Variants in HHATL observed in about 807,000 individuals in gnomAD.
HHATL encodes hedgehog acyltransferase like, also known as protein-cysteine N-palmitoyltransferase HHAT-like protein.
In HHATL, 49 loss-of-function variants were observed where a neutral mutation model predicts 59.7. The ratio of observed to expected loss-of-function variants is 0.82; its 90% CI spans 0.65 to 1.04. The LOEUF (loss-of-function observed/expected upper bound fraction) is 1.04, where lower values mean the gene tolerates loss of function less well. Ranked by LOEUF, HHATL falls within the 50% of genes least tolerant of loss-of-function variation. The probability of loss-of-function intolerance (pLI) is 0.00; values close to 1 mark genes in which losing one functional copy is unlikely to be tolerated. For missense variants in HHATL, 605 were observed against 650.8 expected (o/e 0.93, Z 0.77); for synonymous variants, 238 against 257.3 (o/e 0.93, Z 0.72).
In HHATL at chr3:42,698,820, C is replaced by G; in HGVS notation, c.371G>C (p.Gly124Ala). Residue 124 changes from glycine (G) to alanine (A), a missense_variant, in exon 5 of 12, where the codon GGT becomes GCT. Coordinates refer to ENST00000441594, the MANE Select transcript of HHATL (RefSeq NM_020707.4). Reference sequence around the variant, plus strand: ...GGCCACATAGAGGCCCACACAGTGACCAAGCAGCAGCAGCAGGTACCAAGG... The same window carrying G: ...GGCCACATAGAGGCCCACACAGTGAGCAAGCAGCAGCAGCAGGTACCAAGG... ...MGPWYLLLLL[G>A]HCVGLYVASL... The G allele has an allele frequency of 6.2e-7, 1 of 1,613,958 alleles. No individual in the cohort carries two copies. The highest frequency in any genetic ancestry group is 8.5e-7 in the Non-Finnish European group (1 of 1,179,948).
chr3:42,700,554 G>A lies in HHATL; in HGVS notation c.106+167C>T, dbSNP rs146271762. Among the ~76,000 whole-genome samples the A allele has an allele frequency of 5.6e-3, 852 of 152,192 alleles. 4 individuals are homozygous for A. The highest frequency in any genetic ancestry group is 9.4e-3 in the Non-Finnish European group (642 of 68,008). On this transcript the variant is annotated intron_variant, in intron 2 of 11. Transcript: ENST00000441594. ...TGAACCTGGCTCCACCCAGCCTCCAGTGACTATCTGAGATGGGAACCCCGG... is the reference window on the plus strand; with the variant it reads ...TGAACCTGGCTCCACCCAGCCTCCAATGACTATCTGAGATGGGAACCCCGG...
chr3:42,699,709 G>A (rs746848856), intron 3 of HHATL, 49 bp downstream of exon 3: 1 of 1,461,434 alleles, frequency 6.8e-7, no homozygotes. Context: ...ACAGCAGAGA[G>A]CAGAGAAGGG....
intron 9 of HHATL, among the ~76,000 whole-genome samples, chr3:42,696,308 T>C (rs1443152517): frequency 6.6e-6 from 1 of 151,822 alleles, no homozygotes; most frequent in African/African-American, 2.4e-5. Context: ...CATCCCCGTC[T>C]CTCCTCTTCT....
rs1318084027 is a variant in HHATL, at chr3:42,693,636, C to T, written c.1229G>A (p.Gly410Glu). ...GCTCACCTCAATTCGTGCTAGGGGC[C>T]CCCACTCTGCCAGTTTTTGCATCCA... Reference protein sequence around the residue: ...ELWMQKLAEWGPLARIEASLS... With the variant: ...ELWMQKLAEWEPLARIEASLS... Residue 410 changes from glycine to glutamate, a missense_variant, in exon 10 of 12, where the codon GGG becomes GAG. Physicochemically the swap from Gly to Glu is moderately conservative, Grantham distance 98 (BLOSUM62 -2). Coordinates refer to ENST00000441594, the MANE Select transcript of HHATL (RefSeq NM_020707.4). The T allele has an allele frequency of 6.2e-7, 1 of 1,614,072 alleles. No homozygotes were observed. The highest frequency in any genetic ancestry group is 8.5e-7 in the Non-Finnish European group (1 of 1,179,988).
Position 42,698,192 on chromosome 3 carries a change from G to T in HHATL, c.643C>A (p.Pro215Thr). ...ADLLKYNFYLPFFFFGPIMTF... is the reference protein window; with the variant it reads ...ADLLKYNFYLTFFFFGPIMTF... ...ATGATGGGCCCGAAGAAGAAGAAGG[G>T]CAGGTAGAAGTTGTACTTGAGCAGG... is the stretch of plus-strand genomic sequence containing the variant. Residue 215 changes from proline to threonine, a missense_variant, in exon 6 of 12, where the codon CCC becomes ACC. Pro to Thr is a conservative substitution (Grantham distance 38). Coordinates refer to ENST00000441594, the MANE Select transcript of HHATL (RefSeq NM_020707.4). 6.2e-7 allele frequency: 1 copy of T among 1,614,204 alleles called. No individual in the cohort carries two copies. Among genetic ancestry groups the T allele is most frequent in the Non-Finnish European group, 8.5e-7 (1 of 1,180,030 alleles).
At chr3:42,695,323 T>C (rs1011286362) in intron 9 of HHATL, among the ~76,000 whole-genome samples, 1 of 152,228 alleles carries the variant, frequency 6.6e-6, no homozygotes, top group African/African-American at 2.4e-5. Flanking sequence ...CAATGAGTCA[T>C]GACTATAAAT....
chr3:42,700,632 C>A, intron 2 of HHATL, 89 bp downstream of exon 2: 1 of 791,380 alleles, frequency 1.3e-6, no homozygotes, highest in Non-Finnish European at 2.1e-6. Context: ...AGGTCTGGAG[C>A]CTGTAACTTT....
At chr3:42,697,775 A>C in intron 6 of HHATL, 96 bp from the exon 7 acceptor site, 1 of 1,310,356 alleles carries the variant, frequency 7.6e-7, no homozygotes, top group Non-Finnish European at 1.0e-6. Flanking sequence ...AGGAGGAGCC[A>C]TGGCTTTATC....
intron 10 of HHATL, 25 bp downstream of exon 10, chr3:42,693,592 C>T: frequency 6.2e-7 from 1 of 1,606,996 alleles, no homozygotes; most frequent in Non-Finnish European, 8.5e-7. Flanking sequence ...CCAGCCAGTC[C>T]CAGCCCCAGG....
At position 42,692,839 on chromosome 3, in the gene HHATL, G is replaced by T. The variant is rs1390292888; in HGVS notation, c.1427C>A (p.Thr476Asn). 6.2e-7 allele frequency: 1 copy of T among 1,614,106 alleles called. No homozygotes were observed. Among genetic ancestry groups the T allele is most frequent in the Admixed American group, 1.7e-5 (1 of 60,014 alleles). ...CTTTACCAGCTGGACGCCACAGTAG[G>T]TGACAAACAGGATGGACAGCGTGGT... ...PQTTLSILFV[T>N]YCGVQLVKER... is the part of the protein sequence containing the mutation. The change falls in exon 12 of 12, where the codon ACC becomes AAC. Residue 476 changes from threonine to asparagine, a missense_variant. Coordinates refer to ENST00000441594, the MANE Select transcript of HHATL (RefSeq NM_020707.4).
intron 9 of HHATL, 25 bp from the exon 10 acceptor site, chr3:42,693,843 C>A: frequency 6.3e-7 from 1 of 1,594,112 alleles, no homozygotes; most frequent in Non-Finnish European, 8.6e-7. Context: ...GGAGAAGGGC[C>A]ACTGGGAGTG....
intron 8 of HHATL, 37 bp from the exon 9 acceptor site, chr3:42,696,914 G>A (rs754445091): frequency 1.2e-6 from 2 of 1,614,154 alleles, no homozygotes; most frequent in Admixed American, 1.7e-5. Context: ...TTGCCATCAG[G>A]CGCAGAGCTC....
At chr3:42,696,482 C>A (rs146692314) in intron 9 of HHATL, among the ~76,000 whole-genome samples, 2 of 152,166 alleles carry the variant, frequency 1.3e-5, no homozygotes, top group Non-Finnish European at 2.9e-5. Context: ...TCCTAGATTG[C>A]GACTATACAT....
intron 10 of HHATL, 117 bp from the exon 11 acceptor site, chr3:42,693,335 G>C (rs567601087): frequency 2.3e-6 from 3 of 1,308,690 alleles, no homozygotes; most frequent in Non-Finnish European, 3.2e-6. Flanking sequence ...TCTGGGTCTC[G>C]GAGAGCCCCA....
chr3:42,693,333 TCGGAGAG>T, intron 10 of HHATL, 115 bp from the exon 11 acceptor site: 1 of 1,339,678 alleles, frequency 7.5e-7, no homozygotes, highest in Non-Finnish European at 1.0e-6. Context: ...TGTCTGGGTC[TCGGAGAG>T]CCCCAGGTCA....
chr3:42,698,573 G>A (rs1697761368), intron 5 of HHATL, 135 bp downstream of exon 5: 4 of 1,135,672 alleles, frequency 3.5e-6, no homozygotes, highest in Non-Finnish European at 5.0e-6. Context: ...CTTGTGGCCA[G>A]GACATACCCA....
In HHATL at chr3:42,693,822, C is replaced by T. The variant is rs201738181; in HGVS notation, c.1047-4G>A. On this transcript the variant is annotated splice_region_variant and splice_polypyrimidine_tract_variant and intron_variant, in intron 9 of 11. Transcript: ENST00000441594. ...ACCAATGTGGTTATACACATATCTG[C>T]AGGAAAGATGGGAGAAGGGCCACTG... 5.0e-6 allele frequency: 8 copies of T among 1,612,174 alleles called. No individual in the cohort carries two copies. The African/African-American group carries it at 6.7e-5, about 13-fold the overall frequency.
intron 9 of HHATL, 32 bp downstream of exon 9, chr3:42,696,810 G>T (rs1324696456): frequency 1.2e-6 from 2 of 1,611,482 alleles, no homozygotes; most frequent in African/African-American, 2.7e-5. Flanking sequence ...TGGCAGGATG[G>T]CTGTGACCAC....
At chr3:42,693,940 G>T in intron 9 of HHATL, 122 bp from the exon 10 acceptor site, 2 of 770,922 alleles carry the variant, frequency 2.6e-6, no homozygotes, top group Admixed American at 2.1e-5. Context: ...CAACATTCCT[G>T]ACCTCACGTA....
Sources: allele counts gnomAD v4.1 joint callset (sites outside exome capture counted in the v4.1 genomes callset), GRCh38; gene constraint gnomAD v4.1.1; transcripts MANE v1.5; gene names NCBI Gene and HGNC (gene_info 2026-07-23, HGNC 2026-07-21).